Variants in ANO4 observed in about 807,000 individuals in gnomAD.
The protein encoded by ANO4 is anoctamin-4.
Under a neutral mutation model 141.9 loss-of-function variants are expected in ANO4, and 69 were observed. The observed-to-expected ratio is 0.49, with a 90% CI of 0.40 to 0.59. ANO4 has a LOEUF of 0.59. Among genes scored for constraint, ANO4 ranks in the 20% least tolerant of loss-of-function variants. ANO4 has a pLI of 0.00. For missense variants in ANO4, 894 were observed against 1,162.2 expected (o/e 0.77, Z 3.36); for synonymous variants, 350 against 394.3 (o/e 0.89, Z 1.33).
chr12:100,955,339 T>C lies in ANO4; in HGVS notation c.456+12804T>C, dbSNP rs1315088776. On this transcript the variant is annotated intron_variant, in intron 5 of 27. Coordinates refer to ENST00000392977, the MANE Select transcript of ANO4 (RefSeq NM_001286615.2). The stretch of plus-strand genomic sequence containing the variant: ...TTTTAAGGTGGCTGACTCACATGGC[T>C]GGAATGTTGGTGTTGGCTGTCAGCT... Among the ~76,000 whole-genome samples the C allele has an allele frequency of 2.0e-5, 3 of 152,192 alleles. No individual in the cohort carries two copies. The East Asian group carries it at 5.8e-4, about 29-fold the overall frequency.
chr12:100,808,959 CTATT>C (rs1266068450), intron 1 of ANO4, among the ~76,000 whole-genome samples: 6 of 152,122 alleles, frequency 3.9e-5, no homozygotes, highest in Admixed American at 1.3e-4. Flanking sequence ...AATTCATTGA[CTATT>C]AATTAATTAG....
chr12:100,721,278 A>C (rs190441247), intron 1 of ANO4, among the ~76,000 whole-genome samples: 11 of 152,320 alleles, frequency 7.2e-5, no homozygotes, highest in Admixed American at 7.2e-4. Flanking sequence ...GGTTACTAGA[A>C]CGAATAAGAT....
chr12:100,877,026 G>T (rs1438881615), intron 1 of ANO4, among the ~76,000 whole-genome samples: 1 of 152,064 alleles, frequency 6.6e-6, no homozygotes, highest in Non-Finnish European at 1.5e-5. Context: ...GGTACTGAAA[G>T]ACAAATACTG....
chr12:101,075,908 C>T (rs1020843091), intron 14 of ANO4, among the ~76,000 whole-genome samples: 4 of 151,968 alleles, frequency 2.6e-5, no homozygotes, highest in African/African-American at 9.7e-5. Context: ...GGGATTGGAA[C>T]TTTGCCTTGA....
At chr12:101,022,095 T>A (rs201546187) in intron 9 of ANO4, among the ~76,000 whole-genome samples, 1 of 147,864 alleles carries the variant, frequency 6.8e-6, no homozygotes, top group Non-Finnish European at 1.5e-5. Flanking sequence ...TAAATTAAAA[T>A]ATAACATGGA....
chr12:100,965,710 T>G (rs1374436431), intron 5 of ANO4, among the ~76,000 whole-genome samples: 1 of 151,794 alleles, frequency 6.6e-6, no homozygotes, highest in Non-Finnish European at 1.5e-5. Flanking sequence ...TGCTTCTCAC[T>G]TGACTCTTCC....
At chr12:101,001,769 T>G (rs964881275) in intron 8 of ANO4, among the ~76,000 whole-genome samples, 2 of 152,192 alleles carry the variant, frequency 1.3e-5, no homozygotes, top group African/African-American at 4.8e-5. Flanking sequence ...TTTCTGGGCC[T>G]GCTTCTGACT....
chr12:100,726,907 A>C (rs1271165123), intron 1 of ANO4, among the ~76,000 whole-genome samples: 1 of 151,416 alleles, frequency 6.6e-6, no homozygotes, highest in African/African-American at 2.4e-5. Flanking sequence ...TAATTTATAC[A>C]CACACACACA....
intron 1 of ANO4, among the ~76,000 whole-genome samples, chr12:100,801,141 T>G (rs1182277002): frequency 6.6e-6 from 1 of 151,302 alleles, no homozygotes; most frequent in African/African-American, 2.5e-5. Context: ...GACTTTTTGT[T>G]TCTTGAGGGC....
chr12:101,117,061 A>G (rs1226160702), intron 25 of ANO4, among the ~76,000 whole-genome samples: 1 of 152,212 alleles, frequency 6.6e-6, no homozygotes, highest in East Asian at 1.9e-4. Context: ...GGGAAAAACT[A>G]AAAATATAGT....
rs2050871753 is a variant in ANO4, at chr12:101,116,801, G to A, written c.2570+3G>A. The A allele has an allele frequency of 1.9e-6, 3 of 1,613,990 alleles. No individual in the cohort carries two copies. The African/African-American group carries it at 4.0e-5, about 22-fold the overall frequency. ...GGGACTCCTCTTAAGTACTGCAGGT[G>A]AGTGTGGCACCCAGCGTGGCTCTGC... On this transcript the variant is annotated splice_donor_region_variant and intron_variant, in intron 25 of 27. Transcript: ENST00000392977.
intron 1 of ANO4, among the ~76,000 whole-genome samples, chr12:100,881,540 C>T (rs2039570842): frequency 6.6e-6 from 1 of 151,882 alleles, no homozygotes; most frequent in Non-Finnish European, 1.5e-5. Flanking sequence ...TTCCATTAAG[C>T]CTTAGCCATG....
At chr12:100,875,857 G>GT (rs767942312) in intron 1 of ANO4, among the ~76,000 whole-genome samples, 4 of 151,636 alleles carry the variant, frequency 2.6e-5, no homozygotes, top group Admixed American at 6.6e-5. Context: ...CATTTTGTGG[G>GT]TTGGGGGGTG....
chr12:100,809,907 T>C (rs895514243), intron 1 of ANO4, among the ~76,000 whole-genome samples: 1 of 152,100 alleles, frequency 6.6e-6, no homozygotes, highest in African/African-American at 2.4e-5. Flanking sequence ...ACATTAGGAA[T>C]GACAGAGAGC....
chr12:100,841,868 A>G (rs1356003), intron 1 of ANO4, among the ~76,000 whole-genome samples: 126,034 of 152,114 alleles, frequency 0.83, 52,254 homozygotes, highest in Admixed American at 0.87. Context: ...CTTTGTAGAC[A>G]ACAATGCAGA....
Position 101,014,969 on chromosome 12 carries a change from A to G in ANO4, c.735-5065A>G, listed in dbSNP as rs186843073. Reference sequence around the variant, plus strand: ...CTCAGCCTCCTGAGTAGCTGGGACTATAGGTTCACACCACCACACCCAGCT... The same window carrying G: ...CTCAGCCTCCTGAGTAGCTGGGACTGTAGGTTCACACCACCACACCCAGCT... On this transcript the variant is annotated intron_variant, in intron 8 of 27. Transcript: ENST00000392977. Among the ~76,000 whole-genome samples the G allele has an allele frequency of 3.2e-4, 48 of 150,758 alleles. No homozygotes were observed. In the East Asian group the frequency reaches 7.6e-3, roughly 24 times the overall value.
chr12:101,102,914 A>G (rs1005924781), intron 22 of ANO4, among the ~76,000 whole-genome samples: 1 of 151,750 alleles, frequency 6.6e-6, no homozygotes, highest in African/African-American at 2.4e-5. Context: ...TTTAGTATAT[A>G]GGTTTTGTAA....
intron 9 of ANO4, among the ~76,000 whole-genome samples, chr12:101,033,462 T>TATAATA (rs756110474): frequency 6.6e-6 from 1 of 150,780 alleles, no homozygotes. Flanking sequence ...AAACTTAAAG[T>TATAATA]ATAATAATAA....
chr12:100,839,279 T>C (rs1251511635), intron 1 of ANO4, among the ~76,000 whole-genome samples: 1 of 152,144 alleles, frequency 6.6e-6, no homozygotes, highest in Non-Finnish European at 1.5e-5. Flanking sequence ...TGATCTCTCT[T>C]TGAGGAGATG....
Sources: gnomAD v4.1 joint callset for allele counts (sites outside exome capture counted in the v4.1 genomes callset) on GRCh38, gnomAD v4.1.1 for gene constraint, MANE v1.5 for transcripts, NCBI Gene and HGNC (gene_info 2026-07-23, HGNC 2026-07-21) for gene names.